Variants in DENND2A observed in about 807,000 individuals in gnomAD.
The protein encoded by DENND2A is DENN domain containing 2A, also known as DENN domain-containing protein 2A.
In DENND2A, 53 loss-of-function variants were observed where a neutral mutation model predicts 105.3. The ratio of observed to expected loss-of-function variants is 0.50; its 90% confidence interval spans 0.40 to 0.63. The LOEUF is 0.63. Among genes scored for constraint, DENND2A ranks in the 30% least tolerant of loss-of-function variants. The pLI, the probability that DENND2A is intolerant of heterozygous loss-of-function variation, is 0.00. For synonymous variants in DENND2A, 522 were observed against 508.4 expected (o/e 1.03, Z -0.36); for missense variants, 1,138 against 1,279.6 (o/e 0.89, Z 1.69).
chr7:140,538,705 C>A (rs1005676289), intron 14 of DENND2A, among the ~76,000 whole-genome samples: 21 of 151,928 alleles, frequency 1.4e-4, no homozygotes, highest in African/African-American at 4.6e-4. Context: ...GGGGTTTCAC[C>A]ATGTTGGCCA....
intron 12 of DENND2A, among the ~76,000 whole-genome samples, chr7:140,549,407 G>A (rs1797028880): frequency 6.6e-6 from 1 of 151,978 alleles, no homozygotes; most frequent in African/African-American, 2.4e-5. Flanking sequence ...ACAGGCATGT[G>A]CCACCACACC....
chr7:140,563,890 G>T (rs2130583913), intron 9 of DENND2A, among the ~76,000 whole-genome samples: 1 of 152,122 alleles, frequency 6.6e-6, no homozygotes, highest in African/African-American at 2.4e-5. Context: ...AGGCGGGAAG[G>T]CTCACTTGAG....
At chr7:140,586,075 A>G (rs1347539860) in intron 4 of DENND2A, among the ~76,000 whole-genome samples, 1 of 152,116 alleles carries the variant, frequency 6.6e-6, no homozygotes, top group Non-Finnish European at 1.5e-5. Flanking sequence ...GGCTGGTCTA[A>G]TGAGGGTGAA....
rs528990123 is a variant in DENND2A at position 140,608,464 on chromosome 7, C to T, written c.-247-2658G>A. ...GGCCGGGGTGGGCTGATCACTTGAG[C>T]TCAGGGGATTGAAACCAGCCTGGGC... On this transcript the variant is annotated intron_variant, in intron 1 of 19. Transcript: ENST00000496613. Among the ~76,000 whole-genome samples the T allele has an allele frequency of 6.6e-5, 10 of 152,214 alleles. No individual in the cohort carries two copies. In the South Asian group the frequency reaches 1.9e-3, roughly 28 times the overall value.
At chr7:140,546,728 C>A in intron 13 of DENND2A, 71 bp downstream of exon 13, 2 of 1,581,332 alleles carry the variant, frequency 1.3e-6, no homozygotes, top group Non-Finnish European at 8.6e-7. Context: ...AAGGCAGCCC[C>A]TCTGAGCACG....
At chr7:140,629,858 CTTTTT>C (rs551954045) in intron 1 of DENND2A, among the ~76,000 whole-genome samples, 1 of 138,300 alleles carries the variant, frequency 7.2e-6, no homozygotes. Flanking sequence ...CTTTCTCTCT[CTTTTT>C]TTTTTTTTTT....
At chr7:140,617,575 G>A (rs1165770419) in intron 1 of DENND2A, among the ~76,000 whole-genome samples, 1 of 152,098 alleles carries the variant, frequency 6.6e-6, no homozygotes, top group Non-Finnish European at 1.5e-5. Context: ...TTATCTGGGT[G>A]TCGTCGTGGG....
At position 140,563,021 on chromosome 7, in the gene DENND2A, GGT is replaced by G. The variant is rs540061327; in HGVS notation, c.1780-3206_1780-3205del. Among the ~76,000 whole-genome samples the G allele has an allele frequency of 3.9e-5, 6 of 152,238 alleles. No individual in the cohort carries two copies. In the East Asian group the frequency reaches 9.6e-4, roughly 24 times the overall value. ...CATGCAAAGAAGCAAATACCAGCTG[GGT>G]GTAATTATAGGAAGGGGTCATTAAT... On this transcript the variant is annotated intron_variant, in intron 9 of 19. Transcript: ENST00000496613.
intron 16 of DENND2A, among the ~76,000 whole-genome samples, chr7:140,524,367 C>G (rs1795971172): frequency 1.3e-5 from 2 of 152,140 alleles, no homozygotes; most frequent in African/African-American, 4.8e-5. Context: ...ACCTTCTCTG[C>G]TAGTGAAAGT....
At chr7:140,581,380 C>T (rs1439143295) in intron 5 of DENND2A, among the ~76,000 whole-genome samples, 1 of 152,226 alleles carries the variant, frequency 6.6e-6, no homozygotes, top group Non-Finnish European at 1.5e-5. Context: ...ACACATTGGT[C>T]CTTTCTGAGG....
At chr7:140,549,777 T>C (rs909044263) in intron 12 of DENND2A, among the ~76,000 whole-genome samples, 1 of 152,166 alleles carries the variant, frequency 6.6e-6, no homozygotes, top group African/African-American at 2.4e-5. Flanking sequence ...GGGACTTGAA[T>C]AGATATTTAT....
chr7:140,569,052 G>A (rs1351873717), intron 7 of DENND2A, among the ~76,000 whole-genome samples: 1 of 151,992 alleles, frequency 6.6e-6, no homozygotes, highest in Non-Finnish European at 1.5e-5. Context: ...AGCCTCCTGA[G>A]TAGCTGGGAC....
At chr7:140,538,812 T>A (rs910718225) in intron 14 of DENND2A, among the ~76,000 whole-genome samples, 10 of 151,732 alleles carry the variant, frequency 6.6e-5, no homozygotes, top group Non-Finnish European at 7.4e-5. Flanking sequence ...GGCCCTTTTT[T>A]AAAAAATTTT....
chr7:140,523,205 T>G lies in DENND2A; in HGVS notation c.2665+102A>C. ...AGGCCCTGGTTTCTCTCCTTATGTC[T>G]CCCTTGCCCATATTCCTACTTGGCC... On this transcript the variant is annotated intron_variant, in intron 17 of 19. Transcript: ENST00000496613. This position sits in a 1 kb window ranked among gnomAD's most constrained non-coding sequence, Gnocchi z 4.5. The G allele has an allele frequency of 2.0e-6, 2 of 1,015,948 alleles. No homozygotes were observed. The highest frequency in any genetic ancestry group is 3.1e-6 in the Non-Finnish European group (2 of 650,970). The allele number at this position is 1,015,948 out of a possible 1,614,324, so 62.9% of individuals were successfully genotyped here.
chr7:140,614,046 C>A (rs1800000395), intron 1 of DENND2A, among the ~76,000 whole-genome samples: 1 of 152,140 alleles, frequency 6.6e-6, no homozygotes, highest in African/African-American at 2.4e-5. Context: ...CCCTTTTAAA[C>A]ACTGAAGTCC....
chr7:140,549,521 A>G (rs368341269), intron 12 of DENND2A, among the ~76,000 whole-genome samples: 151 of 152,290 alleles, frequency 9.9e-4, no homozygotes, highest in Middle Eastern at 6.8e-3. Flanking sequence ...CCAAAGTGCT[A>G]GGATTACAGG....
chr7:140,595,352 T>A (rs935651967), intron 3 of DENND2A, among the ~76,000 whole-genome samples: 24 of 152,164 alleles, frequency 1.6e-4, no homozygotes, highest in Admixed American at 7.2e-4. Flanking sequence ...CTACATTTAC[T>A]GTTTATAATT....
intron 3 of DENND2A, among the ~76,000 whole-genome samples, chr7:140,592,086 T>C (rs1799077700): frequency 7.0e-6 from 1 of 142,566 alleles, no homozygotes; most frequent in Non-Finnish European, 1.5e-5. Flanking sequence ...ACGCCCAGGC[T>C]CTTGTCACCC....
At chr7:140,596,735 T>C (rs1173457237) in intron 3 of DENND2A, among the ~76,000 whole-genome samples, 1 of 152,222 alleles carries the variant, frequency 6.6e-6, no homozygotes. Context: ...ATCTACAAGC[T>C]GTCACATGAC....
Sources: allele counts gnomAD v4.1 joint callset (sites outside exome capture counted in the v4.1 genomes callset), GRCh38; gene constraint gnomAD v4.1.1; non-coding constraint Gnocchi (gnomAD v3.1); transcripts MANE v1.5; gene names NCBI Gene and HGNC (gene_info 2026-07-23, HGNC 2026-07-21).